Variants in FOXN1 observed in about 807,000 individuals in gnomAD.
FOXN1 encodes the protein forkhead box N1.
A neutral mutation model predicts 49.0 loss-of-function variants in FOXN1; 15 were observed. That is an observed-to-expected ratio of 0.31 (90% CI 0.20 to 0.47). The LOEUF (loss-of-function observed/expected upper bound fraction) is 0.47. Among genes scored for constraint, FOXN1 ranks in the 20% least tolerant of loss-of-function variants. FOXN1 has a pLI of 1.00. For missense variants in FOXN1, 800 were observed against 842.8 expected, an observed-to-expected ratio of 0.95 and a Z score of 0.63; for synonymous variants, 356 against 369.0, an observed-to-expected ratio of 0.96 and a Z score of 0.40.
intron 4 of FOXN1, among the ~76,000 whole-genome samples, chr17:28,528,544 G>T (rs922610471): frequency 6.6e-6 from 1 of 152,108 alleles, no homozygotes; most frequent in African/African-American, 2.4e-5. Context: ...GCAGCTGGGG[G>T]AGTCAGAGTC....
chr17:28,514,649 G>A (rs1424392002), intron 1 of FOXN1, among the ~76,000 whole-genome samples: 1 of 152,124 alleles, frequency 6.6e-6, no homozygotes, highest in Non-Finnish European at 1.5e-5. Context: ...GGCCGGCCGA[G>A]CCCCACCCCT....
At chr17:28,508,712 G>A (rs9303615) in intron 1 of FOXN1, among the ~76,000 whole-genome samples, 1 of 151,878 alleles carries the variant, frequency 6.6e-6, no homozygotes, top group Non-Finnish European at 1.5e-5. Flanking sequence ...CTCTCGCTGC[G>A]CCTCTTATTC....
intron 1 of FOXN1, among the ~76,000 whole-genome samples, chr17:28,514,004 T>G (rs2069444456): frequency 6.6e-6 from 1 of 152,168 alleles, no homozygotes; most frequent in Admixed American, 6.5e-5. Flanking sequence ...AAAGAGGCTC[T>G]GGTGGGTGGC....
chr17:28,520,942 G>A (rs750593265), intron 1 of FOXN1, among the ~76,000 whole-genome samples: 5 of 152,170 alleles, frequency 3.3e-5, no homozygotes, highest in African/African-American at 4.8e-5. Context: ...TCAGCCAATC[G>A]CCCCAGGACT....
intron 1 of FOXN1, among the ~76,000 whole-genome samples, chr17:28,517,178 G>GTACACACCTCCACAGGA (rs1168835515): frequency 9.6e-6 from 1 of 104,408 alleles, no homozygotes; most frequent in East Asian, 2.3e-4. Context: ...CCTCCACAGG[G>GTACACACCTCCACAGGA]TACACACCTC....
In FOXN1 at chr17:28,537,368, C is replaced by A. The variant is rs753952625; in HGVS notation, c.1879C>A (p.Pro627Thr). ...TGCCTTTATGGAGCTGGAGCCCACG[C>A]CCCCCACGGCCCCTGCAGGCCCCTC... ...YSAFMELEPT[P>T]PTAPAGPSVY... The change falls in exon 9 of 9, where the codon CCC becomes ACC. Residue 627 changes from proline (P) to threonine (T), a missense_variant. Around this residue, in one of 3 missense-constraint regions of FOXN1, gnomAD observed 344 missense variants for 366.1 expected, o/e 0.94. Coordinates refer to ENST00000579795, the MANE Select transcript of FOXN1 (RefSeq NM_001369369.1). 8 of 1,612,058 alleles carry A rather than the reference C, an allele frequency of 5.0e-6. No homozygotes were observed. The South Asian group carries it at 8.8e-5, about 18-fold the overall frequency.
At chr17:28,517,373 GAC>G (rs2069539263) in intron 1 of FOXN1, among the ~76,000 whole-genome samples, 1 of 113,404 alleles carries the variant, frequency 8.8e-6, no homozygotes, top group African/African-American at 3.5e-5. Flanking sequence ...CCACAGGGCA[GAC>G]ACCTCCACAG....
Position 28,524,592 on chromosome 17 carries a change from G to A in FOXN1, c.213G>A (p.Ala71=), listed in dbSNP as rs544854723. The A allele has an allele frequency of 1.3e-5, 21 of 1,613,428 alleles. No individual in the cohort carries two copies. The highest frequency in any genetic ancestry group is 1.4e-5 in the Non-Finnish European group (16 of 1,179,976). Residue 71 remains alanine, a synonymous_variant, in exon 3 of 9, where the codon GCG becomes GCA. Transcript: ENST00000579795. ...TGCCCCCACACAGCCCCCGCATTGC[G>A]TCACCAGGGCCCGAGCAAGTCCAGG... ...PSLPPHSPRI[A]SPGPEQVQGH...
At chr17:28,535,390 A>G (rs541055674) in intron 8 of FOXN1, among the ~76,000 whole-genome samples, 192 bp downstream of exon 8, 5 of 152,286 alleles carry the variant, frequency 3.3e-5, no homozygotes, top group African/African-American at 1.2e-4. Context: ...ATGGGGAAAG[A>G]GGGATGTCCT....
At chr17:28,524,117 G>A (rs1338363907) in intron 2 of FOXN1, 25 bp downstream of exon 2, 2 of 1,568,460 alleles carry the variant, frequency 1.3e-6, no homozygotes. Flanking sequence ...TCTGGGCCTG[G>A]GTTTAGGCCA....
In FOXN1 at chr17:28,524,800, A is replaced by G; in HGVS notation, c.421A>G (p.Thr141Ala). 1.2e-6 allele frequency: 2 copies of G among 1,613,542 alleles called. No homozygotes were observed. Among genetic ancestry groups the G allele is most frequent in the Non-Finnish European group, 1.7e-6 (2 of 1,179,940 alleles). Residue 141 changes from threonine (T) to alanine (A), a missense_variant, in exon 3 of 9, where the codon ACC becomes GCC. Physicochemically the swap from Thr to Ala is moderately conservative, Grantham distance 58. This residue lies in a region of FOXN1 where 383 missense variants were observed against 357.9 expected (regional missense o/e 1.07). Transcript: ENST00000579795. ...HEDVFPEAETTLALKGHSFKT... is the reference protein window; with the variant it reads ...HEDVFPEAETALALKGHSFKT... ...GGACGTCTTCCCAGAGGCCGAGACC[A>G]CCCTGGCCCTCAAAGGACACTCCTT...
At chr17:28,513,791 G>C (rs529203002) in intron 1 of FOXN1, among the ~76,000 whole-genome samples, 1 of 152,362 alleles carries the variant, frequency 6.6e-6, no homozygotes, top group African/African-American at 2.4e-5. Flanking sequence ...GTGAGTGCTT[G>C]GATTTGGCTC....
At position 28,534,655 on chromosome 17, in the gene FOXN1, G is replaced by A; in HGVS notation, c.1136-52G>A. The A allele has an allele frequency of 6.2e-7, 1 of 1,612,174 alleles. No individual in the cohort carries two copies. Reference sequence around the variant, plus strand: ...CGAGTAAGGGTTCCAGTCTGGGGAAGACTGTGGAGGAGGGAGGTCTCATGG... The same window carrying A: ...CGAGTAAGGGTTCCAGTCTGGGGAAAACTGTGGAGGAGGGAGGTCTCATGG... On this transcript the variant is annotated intron_variant, in intron 7 of 8. Coordinates refer to ENST00000579795, the MANE Select transcript of FOXN1 (RefSeq NM_001369369.1). The surrounding 1 kb of genome is among the most constrained non-coding windows in gnomAD (Gnocchi z 4.1).
At position 28,534,415 on chromosome 17, in the gene FOXN1, A is replaced by G; in HGVS notation, c.1012A>G (p.Ser338Gly). 6.2e-7 allele frequency: 1 copy of G among 1,614,190 alleles called. No individual in the cohort carries two copies. The highest frequency in any genetic ancestry group is 8.5e-7 in the Non-Finnish European group (1 of 1,180,034). The change falls in exon 7 of 9, where the codon AGT (serine) becomes GGT (glycine). Residue 338 changes from serine to glycine, a missense_variant. Transcript: ENST00000579795. The surrounding 1 kb of genome is among the most constrained non-coding windows in gnomAD (Gnocchi z 4.1). The part of the protein sequence containing the change: ...CFEKVENKSG[S>G]SSRKGCLWAL... The stretch of plus-strand genomic sequence containing the variant: ...CGAGAAGGTGGAGAACAAATCAGGA[A>G]GTTCCTCCCGCAAGGGCTGCCTGTG...
chr17:28,510,346 G>A (rs771179291), intron 1 of FOXN1, among the ~76,000 whole-genome samples: 5 of 150,252 alleles, frequency 3.3e-5, no homozygotes, highest in Non-Finnish European at 5.9e-5. Flanking sequence ...ATGCACACAC[G>A]CATACATATA....
At chr17:28,525,414 C>G (rs1275990613) in intron 3 of FOXN1, among the ~76,000 whole-genome samples, 2 of 152,156 alleles carry the variant, frequency 1.3e-5, no homozygotes, top group Non-Finnish European at 2.9e-5. Context: ...TGTGGAGGGA[C>G]CCTTCCTGGC....
intron 6 of FOXN1, among the ~76,000 whole-genome samples, chr17:28,533,417 T>C (rs2069962376): frequency 6.6e-6 from 1 of 151,784 alleles, no homozygotes; most frequent in Admixed American, 6.6e-5. Flanking sequence ...CAACCCTCCC[T>C]GGGCACAATT....
chr17:28,524,011 G>A lies in FOXN1; in HGVS notation c.42G>A (p.Pro14=), dbSNP rs553583507. The A allele has an allele frequency of 3.1e-5, 50 of 1,612,852 alleles. 1 individual carries two copies. The South Asian group carries it at 4.3e-4, about 14-fold the overall frequency. The change falls in exon 2 of 9, where the codon CCG becomes CCA. Residue 14 remains proline, a synonymous_variant. Transcript: ENST00000579795. ...LPPPQSDVTL[P]GPTRLEGERQ... ...CGCCGCAGTCTGACGTCACGCTGCCGGGCCCCACCAGACTGGAGGGCGAGC... is the reference window on the plus strand; with the variant it reads ...CGCCGCAGTCTGACGTCACGCTGCCAGGCCCCACCAGACTGGAGGGCGAGC...
rs1247215164 is a variant in FOXN1, at chr17:28,516,840, T to C, written c.-14-7116T>C. On this transcript the variant is annotated intron_variant, in intron 1 of 8. Coordinates refer to ENST00000579795, the MANE Select transcript of FOXN1 (RefSeq NM_001369369.1). Reference sequence around the variant, plus strand: ...CCACAGGATACACACCTCCACAGGGTACACACCTCCACAGGGTACACAACT... The same window carrying C: ...CCACAGGATACACACCTCCACAGGGCACACACCTCCACAGGGTACACAACT... Among the ~76,000 whole-genome samples the C allele has an allele frequency of 3.2e-5, 2 of 63,152 alleles. 1 individual carries two copies. Among genetic ancestry groups the C allele is most frequent in the Non-Finnish European group, 7.4e-5 (2 of 26,846 alleles). 41.4% of individuals were successfully genotyped at this position (63,152 alleles called of 152,430 possible).
Sources: allele counts gnomAD v4.1 joint callset (sites outside exome capture counted in the v4.1 genomes callset), GRCh38; gene constraint gnomAD v4.1.1; regional missense constraint gnomAD v4.1.1; non-coding constraint Gnocchi (gnomAD v3.1); transcripts MANE v1.5; gene names NCBI Gene and HGNC (gene_info 2026-07-23, HGNC 2026-07-21).